The following PCDHGB4 variants were observed in gnomAD, a reference collection of about 807,000 sequenced individuals.
The protein encoded by PCDHGB4 is protocadherin gamma subfamily B, 4.
Under a neutral mutation model 60.5 loss-of-function variants are expected in PCDHGB4, and 38 were observed. The ratio of observed to expected loss-of-function variants is 0.63; its 90% CI spans 0.48 to 0.82. PCDHGB4 has a LOEUF of 0.82. Among genes scored for constraint, PCDHGB4 ranks in the 40% least tolerant of loss-of-function variants. The pLI is 0.00. For synonymous variants in PCDHGB4, 456 were observed against 509.7 expected, an observed-to-expected ratio of 0.89 and a Z score of 1.42; for missense variants, 1,109 against 1,209.6, an observed-to-expected ratio of 0.92 and a Z score of 1.23.
intron 1 of PCDHGB4, among the ~76,000 whole-genome samples, chr5:141,468,079 C>A (rs2099157359): frequency 6.6e-6 from 1 of 151,986 alleles, no homozygotes; most frequent in African/African-American, 2.4e-5. Context: ...AATCCCAGCA[C>A]TTTGGGAGGT....
At chr5:141,395,085 T>C (rs2093165281) in intron 1 of PCDHGB4, 1 of 1,614,026 alleles carries the variant, frequency 6.2e-7, no homozygotes, top group South Asian at 1.1e-5. Flanking sequence ...CCAGGAAGTC[T>C]CCCTCACCGC....
intron 1 of PCDHGB4, chr5:141,442,419 T>TG (rs1214499832): frequency 1.3e-5 from 2 of 152,192 alleles, no homozygotes; most frequent in African/African-American, 4.8e-5. Context: ...AGTGAACTTC[T>TG]TTTTTGAATC....
intron 2 of PCDHGB4, among the ~76,000 whole-genome samples, chr5:141,499,102 C>T (rs1172661012): frequency 1.3e-5 from 2 of 152,170 alleles, no homozygotes; most frequent in Admixed American, 6.5e-5. Context: ...TGCTTCTCCT[C>T]CCCACCACTA....
intron 1 of PCDHGB4, among the ~76,000 whole-genome samples, chr5:141,458,992 C>G (rs1268862644): frequency 6.6e-6 from 1 of 152,190 alleles, no homozygotes; most frequent in African/African-American, 2.4e-5. Flanking sequence ...CTCACCCTCC[C>G]AAAGTGCTGG....
At position 141,486,272 on chromosome 5, in the gene PCDHGB4, A is replaced by C. The variant is rs2099627166; in HGVS notation, c.2398-8535A>C. On this transcript the variant is annotated intron_variant, in intron 1 of 3. Transcript: ENST00000519479. The surrounding 1 kb of genome is among the most constrained non-coding windows in gnomAD (Gnocchi z 5.0). ...CCTCCCCGAGAGTGCAGAACCTGGC[A>C]CTGTGGTGGCACTTATCAGTGTGCA... 1 of 1,613,886 alleles carries C rather than the reference A, an allele frequency of 6.2e-7. No individual in the cohort carries two copies. Among genetic ancestry groups the C allele is most frequent in the Non-Finnish European group, 8.5e-7 (1 of 1,179,986 alleles).
At chr5:141,402,953 A>G in intron 1 of PCDHGB4, 3 of 1,597,298 alleles carry the variant, frequency 1.9e-6, no homozygotes, top group Middle Eastern at 1.7e-4. Context: ...CGAGGCAGCA[A>G]TGGCAGCTCC....
chr5:141,453,870 C>A (rs932804656), intron 1 of PCDHGB4, among the ~76,000 whole-genome samples: 2 of 152,146 alleles, frequency 1.3e-5, no homozygotes, highest in African/African-American at 4.8e-5. Context: ...AACAGATGAG[C>A]AAAATAATGT....
rs377138746 is a variant in PCDHGB4, at chr5:141,432,481, C to A, written c.2397+42200C>A. Reference sequence around the variant, plus strand: ...CCCTCCCCACGGACGGTTCCACTGGCGTGGAGCTGGCTCCCCGCTCCGCAG... The same window carrying A: ...CCCTCCCCACGGACGGTTCCACTGGAGTGGAGCTGGCTCCCCGCTCCGCAG... On this transcript the variant is annotated intron_variant, in intron 1 of 3. Transcript: ENST00000519479. This position sits in a 1 kb window ranked among gnomAD's most constrained non-coding sequence, Gnocchi z 6.0. 6.2e-7 allele frequency: 1 copy of A among 1,614,080 alleles called. No individual in the cohort carries two copies.
At position 141,491,168 on chromosome 5, in the gene PCDHGB4, A is replaced by T. The variant is rs1293664414; in HGVS notation, c.2398-3639A>T. On this transcript the variant is annotated intron_variant, in intron 1 of 3. Transcript: ENST00000519479. This position sits in a 1 kb window ranked among gnomAD's most constrained non-coding sequence, Gnocchi z 6.9. ...CTGGAGGATGACTCTGACACCCAGC[A>T]GGTGGTGGTCCTGGTGAGGGACAAT... 3.1e-6 allele frequency: 5 copies of T among 1,614,160 alleles called. No individual in the cohort carries two copies. The highest frequency in any genetic ancestry group is 4.2e-6 in the Non-Finnish European group (5 of 1,179,988).
rs752954707 is a variant in PCDHGB4 at position 141,476,801 on chromosome 5, C to T, written c.2398-18006C>T. The T allele has an allele frequency of 6.2e-7, 1 of 1,613,586 alleles. No individual in the cohort carries two copies. Among genetic ancestry groups the T allele is most frequent in the Non-Finnish European group, 8.5e-7 (1 of 1,180,020 alleles). On this transcript the variant is annotated intron_variant, in intron 1 of 3. Coordinates refer to ENST00000519479, the MANE Select transcript of PCDHGB4 (RefSeq NM_003736.4). This position sits in a 1 kb window ranked among gnomAD's most constrained non-coding sequence, Gnocchi z 7.6. Reference sequence around the variant, plus strand: ...GACCCCAGCTCTCTCCGCCAGCCTGCCTATTCACATCAAGGTGCTGGACGC... The same window carrying T: ...GACCCCAGCTCTCTCCGCCAGCCTGTCTATTCACATCAAGGTGCTGGACGC...
rs1477359818 is a variant in PCDHGB4, at chr5:141,397,350, G to A, written c.2397+7069G>A. 3.9e-5 allele frequency among the ~76,000 whole-genome samples: 6 copies of A among 152,268 alleles called. No individual in the cohort carries two copies. In the East Asian group the frequency reaches 9.6e-4, roughly 24 times the overall value. On this transcript the variant is annotated intron_variant, in intron 1 of 3. Coordinates refer to ENST00000519479, the MANE Select transcript of PCDHGB4 (RefSeq NM_003736.4). ...TATTTTTATAAAGAATGTTAATATA[G>A]TCAGGAAGAGGAGATGTTTGGGGAT... is the stretch of plus-strand genomic sequence containing the variant.
chr5:141,393,656 C>T (rs762750239), intron 1 of PCDHGB4: 2 of 1,613,868 alleles, frequency 1.2e-6, no homozygotes, highest in East Asian at 4.5e-5. Context: ...CATACAAATT[C>T]CGGAAAATTA....
rs760572189 is a variant in PCDHGB4 at position 141,477,159 on chromosome 5, A to G, written c.2398-17648A>G. ...GTGGAGGTTGTGGATGTGAATGACA[A>G]CGCCCCGGAGATCACAGTCACCTCC... is the stretch of plus-strand genomic sequence containing the variant. On this transcript the variant is annotated intron_variant, in intron 1 of 3. Transcript: ENST00000519479. The surrounding 1 kb of genome is among the most constrained non-coding windows in gnomAD (Gnocchi z 4.9). The G allele has an allele frequency of 1.7e-5, 28 of 1,613,854 alleles. No individual in the cohort carries two copies. In the South Asian group the frequency reaches 3.1e-4, roughly 18 times the overall value.
chr5:141,490,279 G>A lies in PCDHGB4; in HGVS notation c.2398-4528G>A, dbSNP rs1344083401. The A allele has an allele frequency of 5.6e-6, 9 of 1,614,228 alleles. No individual in the cohort carries two copies. In the East Asian group the frequency reaches 1.8e-4, roughly 32 times the overall value. On this transcript the variant is annotated intron_variant, in intron 1 of 3. Coordinates refer to ENST00000519479, the MANE Select transcript of PCDHGB4 (RefSeq NM_003736.4). This position sits in a 1 kb window ranked among gnomAD's most constrained non-coding sequence, Gnocchi z 5.4. ...GGATGTGGGGGATGTCAATGACAAT[G>A]CCCCAGAGGTGCTATTGGCCTCTTT...
At position 141,493,262 on chromosome 5, in the gene PCDHGB4, A is replaced by G. The variant is rs148431133; in HGVS notation, c.2398-1545A>G. ...GGTACTAACATGCCTCTCTTATAAC[A>G]GCTTCACAGAGGTCAAGTGACTTGC... is the stretch of plus-strand genomic sequence containing the variant. On this transcript the variant is annotated intron_variant, in intron 1 of 3. Transcript: ENST00000519479. This position sits in a 1 kb window ranked among gnomAD's most constrained non-coding sequence, Gnocchi z 4.3. 5.1e-4 allele frequency among the ~76,000 whole-genome samples: 78 copies of G among 152,302 alleles called. No homozygotes were observed. Among genetic ancestry groups the G allele is most frequent in the African/African-American group, 1.7e-3 (72 of 41,574 alleles).
chr5:141,407,529 T>G (rs2154538729), intron 1 of PCDHGB4, among the ~76,000 whole-genome samples: 1 of 151,552 alleles, frequency 6.6e-6, no homozygotes, highest in South Asian at 2.1e-4. Context: ...CTTAACTTAT[T>G]GTGCATTGGT....
chr5:141,501,333 A>ACACACACC (rs1186649373), intron 2 of PCDHGB4, among the ~76,000 whole-genome samples: 1 of 140,020 alleles, frequency 7.1e-6, no homozygotes, highest in African/African-American at 2.6e-5. Context: ...ACACACACAC[A>ACACACACC]CCCCAAACTC....
At chr5:141,433,285 C>G in intron 1 of PCDHGB4, 1 of 1,169,826 alleles carries the variant, frequency 8.5e-7, no homozygotes, top group Non-Finnish European at 1.2e-6. Flanking sequence ...CCTCAAACTC[C>G]TAGGCTCAAG....
In PCDHGB4 at chr5:141,490,745, C is replaced by T. The variant is rs769031787; in HGVS notation, c.2398-4062C>T. 22 of 1,614,120 alleles carry T rather than the reference C, an allele frequency of 1.4e-5. No individual in the cohort carries two copies. Among genetic ancestry groups the T allele is most frequent in the Non-Finnish European group, 1.9e-5 (22 of 1,180,050 alleles). On this transcript the variant is annotated intron_variant, in intron 1 of 3. Transcript: ENST00000519479. The surrounding 1 kb of genome is among the most constrained non-coding windows in gnomAD (Gnocchi z 5.4). Reference sequence around the variant, plus strand: ...GTAGGAAATCAGGTTCAGGGAGCCCCAGCCTCCTCCTTTGTGTATGTCAAC... The same window carrying T: ...GTAGGAAATCAGGTTCAGGGAGCCCTAGCCTCCTCCTTTGTGTATGTCAAC...
Sources: allele counts gnomAD v4.1 joint callset (sites outside exome capture counted in the v4.1 genomes callset), GRCh38; gene constraint gnomAD v4.1.1; non-coding constraint Gnocchi (gnomAD v3.1); transcripts MANE v1.5; gene names NCBI Gene and HGNC (gene_info 2026-07-23, HGNC 2026-07-21).